CFAP70: variants seen among roughly 807,000 people sequenced by gnomAD.
CFAP70 encodes cilia- and flagella-associated protein 70.
A neutral mutation model predicts 137.6 loss-of-function variants in CFAP70; 81 were observed. The observed-to-expected ratio is 0.59, with a 90% CI of 0.49 to 0.71. The LOEUF (loss-of-function observed/expected upper bound fraction) is 0.71. Ranked by LOEUF, CFAP70 falls within the 30% of genes least tolerant of loss-of-function variation. CFAP70 has a pLI of 0.00. For missense variants in CFAP70, 976 were observed against 1,226.7 expected (o/e 0.80, Z 3.05); for synonymous variants, 382 against 423.6 (o/e 0.90, Z 1.20).
chr10:73,353,648 T>G, exon 3 of CFAP70: 2 of 1,614,182 alleles, frequency 1.2e-6, no homozygotes, highest in Non-Finnish European at 1.7e-6. Context: ...TGCACTTCCT[T>G]CTGGAGAAAC....
intron 19 of CFAP70, among the ~76,000 whole-genome samples, chr10:73,285,713 C>T (rs1217570051): frequency 6.6e-6 from 1 of 150,510 alleles, no homozygotes; most frequent in Admixed American, 6.7e-5. Context: ...CGGCTCACTG[C>T]AACCTTTGTC....
chr10:73,362,153 GA>G (rs1242289122), upstream of CFAP70, among the ~76,000 whole-genome samples: 1 of 152,180 alleles, frequency 6.6e-6, no homozygotes, highest in African/African-American at 2.4e-5. Context: ...ATGTGGGAGG[GA>G]GGGGGTAATA....
At chr10:73,310,304 T>G in intron 11 of CFAP70, 55 bp from the exon 13 acceptor site, 1 of 1,248,680 alleles carries the variant, frequency 8.0e-7, no homozygotes, top group Non-Finnish European at 1.1e-6. Flanking sequence ...TTATGAAAAA[T>G]TTAGTAACAT....
At chr10:73,311,635 T>C (rs930626527) in intron 11 of CFAP70, among the ~76,000 whole-genome samples, 199 bp downstream of exon 12, 2 of 152,218 alleles carry the variant, frequency 1.3e-5, no homozygotes, top group African/African-American at 4.8e-5. Flanking sequence ...GGAAAGGACC[T>C]TAAAATTAAC....
At chr10:73,292,040 T>C in intron 16 of CFAP70, 26 bp from the exon 18 acceptor site, 2 of 1,612,726 alleles carry the variant, frequency 1.2e-6, no homozygotes, top group South Asian at 1.1e-5. Flanking sequence ...GCCAAGGTTA[T>C]TGTGATACTA....
chr10:73,334,880 G>GTTT (rs369007041), intron 7 of CFAP70, among the ~76,000 whole-genome samples: 6 of 128,578 alleles, frequency 4.7e-5, no homozygotes, highest in African/African-American at 8.7e-5. Context: ...ACCTGGCCGA[G>GTTT]TTTTTTTTTT....
At chr10:73,273,679 G>A (rs1208468111) in intron 23 of CFAP70, among the ~76,000 whole-genome samples, 1 of 152,152 alleles carries the variant, frequency 6.6e-6, no homozygotes, top group African/African-American at 2.4e-5. Context: ...CACTACAGTG[G>A]GATAGGGATT....
At chr10:73,344,117 C>G (rs1288424257) in intron 5 of CFAP70, among the ~76,000 whole-genome samples, 1 of 151,992 alleles carries the variant, frequency 6.6e-6, no homozygotes, top group African/African-American at 2.4e-5. Context: ...CACCCACCAC[C>G]ATACCCAGCT....
intron 8 of CFAP70, among the ~76,000 whole-genome samples, chr10:73,330,945 G>A (rs1366690408): frequency 6.6e-6 from 1 of 152,164 alleles, no homozygotes; most frequent in Non-Finnish European, 1.5e-5. Flanking sequence ...GTGAACAACG[G>A]GGAACTAGGG....
chr10:73,267,471 G>T (rs778239390), intron 25 of CFAP70, among the ~76,000 whole-genome samples: 4 of 152,162 alleles, frequency 2.6e-5, no homozygotes, highest in Non-Finnish European at 1.5e-5. Context: ...CTACTGGTCA[G>T]GGAAAGTCAC....
chr10:73,313,099 G>A (rs540232072), intron 9 of CFAP70, among the ~76,000 whole-genome samples: 314 of 152,180 alleles, frequency 2.1e-3, no homozygotes, highest in Non-Finnish European at 4.0e-3. Context: ...TGGGCCGGGC[G>A]TGGTGGCTCA....
chr10:73,262,947 G>A (rs2045406620), intron 25 of CFAP70, among the ~76,000 whole-genome samples: 1 of 152,138 alleles, frequency 6.6e-6, no homozygotes, highest in Non-Finnish European at 1.5e-5. Context: ...ATACTTCAGA[G>A]TGTGTTTTCT....
intron 4 of CFAP70, 68 bp from the exon 6 acceptor site, chr10:73,345,312 A>C: frequency 2.1e-5 from 28 of 1,355,022 alleles, no homozygotes; most frequent in East Asian, 6.9e-5. Context: ...GCATTATCTC[A>C]TTTGAATCTC....
In CFAP70 at chr10:73,301,171, G is replaced by A. The variant is rs372784559; in HGVS notation, c.1257-1506C>T. 3.3e-5 allele frequency among the ~76,000 whole-genome samples: 5 copies of A among 152,294 alleles called. No homozygotes were observed. The East Asian group carries it at 7.7e-4, about 24-fold the overall frequency. On this transcript the variant is annotated intron_variant, in intron 12 of 26. Coordinates refer to ENST00000310715, the Ensembl canonical transcript of CFAP70. ...GTTAACGTTTGAGTAAAGACCTGAG[G>A]GAAGTGAGGAAGCAACTGACATAGT...
intron 4 of CFAP70, 29 bp from the exon 6 acceptor site, chr10:73,345,273 T>C (rs1255841516): frequency 3.5e-5 from 56 of 1,592,326 alleles, no homozygotes; most frequent in Middle Eastern, 3.3e-4. Flanking sequence ...ATGCAGCATT[T>C]TGAAAATTGC....
intron 2 of CFAP70, 93 bp downstream of exon 2, chr10:73,354,641 G>C: frequency 1.0e-6 from 1 of 963,098 alleles, no homozygotes; most frequent in East Asian, 2.6e-5. Flanking sequence ...ATAAAGCCAG[G>C]AGGTTTGGAG....
chr10:73,281,248 A>C (rs1397574626), intron 19 of CFAP70, among the ~76,000 whole-genome samples: 1 of 151,900 alleles, frequency 6.6e-6, no homozygotes, highest in Non-Finnish European at 1.5e-5. Flanking sequence ...GCAGTGGCAC[A>C]ATCATGGCTC....
upstream of CFAP70, among the ~76,000 whole-genome samples, chr10:73,360,882 T>C (rs2054979120): frequency 6.6e-6 from 1 of 152,204 alleles, no homozygotes; most frequent in Admixed American, 6.5e-5. Context: ...GTCTACTTAG[T>C]ACTTTGCTTC....
intron 10 of CFAP70, 37 bp from the exon 12 acceptor site, chr10:73,311,951 C>G: frequency 6.9e-7 from 1 of 1,457,242 alleles, no homozygotes; most frequent in Non-Finnish European, 9.6e-7. Context: ...AATTGAATTC[C>G]TACACAGTCT....
Sources: gnomAD v4.1 joint callset for allele counts (sites outside exome capture counted in the v4.1 genomes callset) on GRCh38, gnomAD v4.1.1 for gene constraint, MANE v1.5 for transcripts, NCBI Gene and HGNC (gene_info 2026-07-23, HGNC 2026-07-21) for gene names.